IL1RL1: variants seen among roughly 807,000 people sequenced by gnomAD.
IL1RL1 encodes the protein interleukin 1 receptor like 1.
Under a neutral mutation model 50.9 loss-of-function variants are expected in IL1RL1, and 32 were observed. The observed-to-expected ratio is 0.63, with a 90% CI of 0.47 to 0.84. The LOEUF (loss-of-function observed/expected upper bound fraction) is 0.84, where lower values mean the gene tolerates loss of function less well. IL1RL1 is among the 40% of genes least tolerant of loss of function. The pLI is 0.00. For synonymous variants in IL1RL1, 275 were observed against 236.0 expected (o/e 1.17, Z -1.51); for missense variants, 773 against 662.9 (o/e 1.17, Z -1.82).
At chr2:102,349,848 C>A (rs1168891735) in intron 10 of IL1RL1, among the ~76,000 whole-genome samples, 2 of 152,112 alleles carry the variant, frequency 1.3e-5, no homozygotes, top group African/African-American at 4.8e-5. Context: ...TGTCCAGTAC[C>A]TGTGGACCCT....
intron 1 of IL1RL1, among the ~76,000 whole-genome samples, chr2:102,335,338 G>T (rs1362350): frequency 6.6e-6 from 1 of 151,878 alleles, no homozygotes; most frequent in East Asian, 1.9e-4. Flanking sequence ...AGCTTTACCA[G>T]CCTAATCTCT....
chr2:102,342,949 C>A, intron 6 of IL1RL1, 87 bp from the exon 7 acceptor site: 1 of 1,340,028 alleles, frequency 7.5e-7, no homozygotes, highest in Non-Finnish European at 1.0e-6. Flanking sequence ...ACTAAGTGTT[C>A]AGTAAGGTTT....
At position 102,346,880 on chromosome 2, in the gene IL1RL1, C is replaced by T. The variant is rs10193102; in HGVS notation, c.971-1065C>T. Among the ~76,000 whole-genome samples the T allele has an allele frequency of 5.9e-3, 899 of 152,242 alleles. 17 individuals carry two copies. The highest frequency in any genetic ancestry group is 0.02 in the African/African-American group (830 of 41,534). On this transcript the variant is annotated intron_variant, in intron 8 of 10. Coordinates refer to ENST00000233954, the MANE Select transcript of IL1RL1 (RefSeq NM_016232.5). ...GGAGCCCATGCATGGAGACTTAAGA[C>T]GGAAAAGAACCGTATCAGCAAATCT... is the stretch of plus-strand genomic sequence containing the variant.
intron 8 of IL1RL1, chr2:102,345,834 G>T: frequency 6.1e-6 from 6 of 985,446 alleles, no homozygotes; most frequent in Non-Finnish European, 7.2e-6. Context: ...TGAGGGCCAT[G>T]CTTGGGGTGG....
Position 102,338,827 on chromosome 2 carries a change from T to G in IL1RL1, c.62-10T>G. 1 of 1,590,160 alleles carries G rather than the reference T, an allele frequency of 6.3e-7. No homozygotes were observed. Among genetic ancestry groups the G allele is most frequent in the Non-Finnish European group, 8.6e-7 (1 of 1,158,980 alleles). ...CATTTCAGGATTGTCTTTATATCTT[T>G]TATTTGCAGGTAAACAATCATGGGG... On this transcript the variant is annotated splice_polypyrimidine_tract_variant and intron_variant, in intron 2 of 10. Transcript: ENST00000233954.
At chr2:102,345,464 T>A (rs1230097981) in intron 8 of IL1RL1, 24 of 985,316 alleles carry the variant, frequency 2.4e-5, no homozygotes, top group Admixed American at 6.1e-5. Flanking sequence ...AATTGTTTAA[T>A]GTGCCTGTCA....
At chr2:102,328,846 A>T (rs1677090625) in intron 1 of IL1RL1, among the ~76,000 whole-genome samples, 1 of 152,242 alleles carries the variant, frequency 6.6e-6, no homozygotes. Flanking sequence ...GGAGGATACA[A>T]ACAAATGGAA....
chr2:102,333,976 T>A (rs991709606), intron 1 of IL1RL1, among the ~76,000 whole-genome samples: 18 of 152,214 alleles, frequency 1.2e-4, no homozygotes, highest in Admixed American at 1.2e-3. Flanking sequence ...CTTTATCTAG[T>A]CAACCGTTGA....
Position 102,345,500 on chromosome 2 carries a change from A to C in IL1RL1, c.970+2085A>C, listed in dbSNP as rs535978960. 17 of 985,430 alleles carry C rather than the reference A, an allele frequency of 1.7e-5. No individual in the cohort carries two copies. The South Asian group carries it at 7.5e-4, about 44-fold the overall frequency. 61.0% of individuals were successfully genotyped at this position (985,430 alleles called of 1,614,324 possible). ...AATAGCCAAAGAGTGTTAAACCCTG[A>C]GTTCCCACCCATGTGTGTGGTATGG... On this transcript the variant is annotated intron_variant, in intron 8 of 10. Coordinates refer to ENST00000233954, the MANE Select transcript of IL1RL1 (RefSeq NM_016232.5).
intron 5 of IL1RL1, among the ~76,000 whole-genome samples, chr2:102,341,805 C>A (rs1270014141): frequency 1.3e-5 from 2 of 152,050 alleles, no homozygotes; most frequent in African/African-American, 4.8e-5. Context: ...GATGGGCCAC[C>A]CTAGTGGAGA....
intron 1 of IL1RL1, 125 bp from the exon 2 acceptor site, chr2:102,337,991 C>G (rs1321218518): frequency 8.0e-6 from 2 of 248,716 alleles, no homozygotes; most frequent in Non-Finnish European, 1.5e-5. Context: ...CTGAAACCTG[C>G]TGTTACATCT....
At chr2:102,351,409 T>C in intron 10 of IL1RL1, 127 bp from the exon 11 acceptor site, 1 of 827,054 alleles carries the variant, frequency 1.2e-6, no homozygotes, top group Admixed American at 2.9e-5. Flanking sequence ...TCCACTTCTC[T>C]GAGTAAGTGA....
At chr2:102,346,654 G>T (rs1677794174) in intron 8 of IL1RL1, among the ~76,000 whole-genome samples, 1 of 152,158 alleles carries the variant, frequency 6.6e-6, no homozygotes, top group South Asian at 2.1e-4. Context: ...CTGTTGAAAT[G>T]ATTTACTTAC....
At chr2:102,314,930 G>T (rs1480203223) in intron 1 of IL1RL1, among the ~76,000 whole-genome samples, 1 of 152,038 alleles carries the variant, frequency 6.6e-6, no homozygotes, top group Non-Finnish European at 1.5e-5. Context: ...GTGATAGTTG[G>T]GTGCTGGAAG....
chr2:102,321,995 C>T (rs1191527332), intron 1 of IL1RL1, among the ~76,000 whole-genome samples: 1 of 152,184 alleles, frequency 6.6e-6, no homozygotes, highest in Non-Finnish European at 1.5e-5. Context: ...AGGAGATTAT[C>T]TATCTATGTA....
At chr2:102,346,990 T>C (rs1677803203) in intron 8 of IL1RL1, among the ~76,000 whole-genome samples, 1 of 152,240 alleles carries the variant, frequency 6.6e-6, no homozygotes, top group South Asian at 2.1e-4. Flanking sequence ...GAAAAATTTC[T>C]GGGTTGGTTG....
rs1160683400 is a variant in IL1RL1, at chr2:102,348,047, C to T, written c.1073C>T (p.Thr358Ile). 1.9e-6 allele frequency: 3 copies of T among 1,612,842 alleles called. No individual in the cohort carries two copies. The highest frequency in any genetic ancestry group is 3.3e-5 in the Admixed American group (2 of 59,990). The change falls in exon 9 of 11, where the codon ACT (threonine) becomes ATT (isoleucine). Residue 358 changes from threonine (T) to isoleucine (I), a missense_variant. Thr to Ile is a moderately conservative substitution (Grantham distance 89). Coordinates refer to ENST00000233954, the MANE Select transcript of IL1RL1 (RefSeq NM_016232.5). ...CTAAAAATGTTCTGGATTGAGGCCA[C>T]TCTGCTCTGGAGAGACATAGCTAAA... ...IILKMFWIEATLLWRDIAKPY... is the reference protein window; with the variant it reads ...IILKMFWIEAILLWRDIAKPY...
chr2:102,332,324 T>C (rs550940368), intron 1 of IL1RL1, among the ~76,000 whole-genome samples: 1 of 152,156 alleles, frequency 6.6e-6, no homozygotes, highest in Non-Finnish European at 1.5e-5. Flanking sequence ...AATTCAAAAT[T>C]GATTGGTCAG....
At chr2:102,344,339 C>A in intron 8 of IL1RL1, 5 of 911,812 alleles carry the variant, frequency 5.5e-6, no homozygotes, top group Non-Finnish European at 6.6e-6. Context: ...AGACCCAAAC[C>A]ATACCACACA....
Sources: gnomAD v4.1 joint callset for allele counts (sites outside exome capture counted in the v4.1 genomes callset) on GRCh38, gnomAD v4.1.1 for gene constraint, MANE v1.5 for transcripts, NCBI Gene and HGNC (gene_info 2026-07-23, HGNC 2026-07-21) for gene names.